NUFIP1: variants seen among roughly 807,000 people sequenced by gnomAD.
NUFIP1 encodes the protein nuclear FMR1 interacting protein 1.
NUFIP1 carries 38 observed loss-of-function variants against 56.2 expected under a neutral mutation model. The observed-to-expected ratio is 0.68, with a 90% confidence interval of 0.52 to 0.89. The LOEUF (loss-of-function observed/expected upper bound fraction) is 0.89, where lower values mean the gene tolerates loss of function less well. Ranked by LOEUF, NUFIP1 falls within the 40% of genes least tolerant of loss-of-function variation. NUFIP1 has a pLI of 0.00. For synonymous variants in NUFIP1, 215 were observed against 212.4 expected, an observed-to-expected ratio of 1.01 and a Z score of -0.10; for missense variants, 567 against 605.8, an observed-to-expected ratio of 0.94 and a Z score of 0.67.
intron 8 of NUFIP1, among the ~76,000 whole-genome samples, chr13:44,947,400 G>C (rs1208280045): frequency 2.0e-5 from 3 of 151,780 alleles, no homozygotes; most frequent in African/African-American, 7.3e-5. Flanking sequence ...CACCACACCA[G>C]GCTAATTTTT....
intron 1 of NUFIP1, among the ~76,000 whole-genome samples, chr13:44,986,152 C>T (rs1872381986): frequency 6.6e-6 from 1 of 152,150 alleles, no homozygotes; most frequent in Admixed American, 6.5e-5. Context: ...CACAGTGATT[C>T]ATAGATAGTG....
chr13:44,959,122 C>T (rs1871335508), intron 7 of NUFIP1, among the ~76,000 whole-genome samples: 1 of 152,130 alleles, frequency 6.6e-6, no homozygotes, highest in South Asian at 2.1e-4. Flanking sequence ...CTAAGATTAC[C>T]TCATACTAAT....
At chr13:44,955,986 A>G (rs948258609) in intron 7 of NUFIP1, among the ~76,000 whole-genome samples, 2 of 151,710 alleles carry the variant, frequency 1.3e-5, no homozygotes, top group Non-Finnish European at 1.5e-5. Flanking sequence ...TACTAAAAAT[A>G]CAAAAAATTA....
rs1870716618 is a variant in NUFIP1 at position 44,941,096 on chromosome 13, A to G, written c.*110T>C. 3.2e-6 allele frequency: 2 copies of G among 622,362 alleles called. No homozygotes were observed. The highest frequency in any genetic ancestry group is 2.8e-5 in the Admixed American group (1 of 36,120). The allele number at this position is 622,362 out of a possible 1,614,324, so 38.6% of individuals were successfully genotyped here. A position where few individuals can be genotyped will look rare whatever the true frequency, so the allele number is the denominator to read the frequency against. The stretch of plus-strand genomic sequence containing the variant: ...CAACATACATCCTACGAGGCTTACA[A>G]TTTAATTACAAATCCAATTTTGACG... On this transcript the variant is annotated 3_prime_UTR_variant, in exon 10 of 10. Coordinates refer to ENST00000379161, the MANE Select transcript of NUFIP1 (RefSeq NM_012345.3).
At chr13:44,972,328 AAAAC>A (rs1286201782) in intron 5 of NUFIP1, among the ~76,000 whole-genome samples, 1 of 152,282 alleles carries the variant, frequency 6.6e-6, no homozygotes, top group Non-Finnish European at 1.5e-5. Context: ...TCGGCAATAA[AAAAC>A]AAACAACTGC....
At position 44,940,988 on chromosome 13, in the gene NUFIP1, T is replaced by C. The variant is rs1481145356; in HGVS notation, c.*218A>G. On this transcript the variant is annotated 3_prime_UTR_variant, in exon 10 of 10. Coordinates refer to ENST00000379161, the MANE Select transcript of NUFIP1 (RefSeq NM_012345.3). Reference sequence around the variant, plus strand: ...AAAAATTCTCCCAGCAAATACTAGATTCAATCCCAACAATACAGACACAGT... The same window carrying C: ...AAAAATTCTCCCAGCAAATACTAGACTCAATCCCAACAATACAGACACAGT... The C allele has an allele frequency of 2.7e-6, 1 of 376,638 alleles. No homozygotes were observed. Among genetic ancestry groups the C allele is most frequent in the Non-Finnish European group, 4.7e-6 (1 of 211,146 alleles). The allele number at this position is 376,638 out of a possible 1,614,324, so 23.3% of individuals were successfully genotyped here.
At chr13:44,982,264 A>C (rs1293379577) in intron 1 of NUFIP1, 110 bp from the exon 2 acceptor site, 3 of 440,812 alleles carry the variant, frequency 6.8e-6, no homozygotes, top group Non-Finnish European at 7.7e-6. Context: ...ACACTAGTAA[A>C]CTACCCTTCT....
At chr13:44,962,428 C>T (rs1346001899) in intron 6 of NUFIP1, among the ~76,000 whole-genome samples, 3 of 152,214 alleles carry the variant, frequency 2.0e-5, no homozygotes, top group African/African-American at 7.2e-5. Flanking sequence ...CAACACCACA[C>T]TATCTTCATT....
chr13:44,966,884 A>G (rs977558297), intron 5 of NUFIP1, among the ~76,000 whole-genome samples: 4 of 151,446 alleles, frequency 2.6e-5, no homozygotes, highest in African/African-American at 9.7e-5. Flanking sequence ...GAGGCAGGAG[A>G]ATCTCTTGAA....
chr13:44,986,542 A>G (rs530386389), intron 1 of NUFIP1, among the ~76,000 whole-genome samples: 2 of 152,040 alleles, frequency 1.3e-5, no homozygotes, highest in African/African-American at 2.4e-5. Flanking sequence ...ATACAAAAAA[A>G]TCAGCCGGGC....
intron 6 of NUFIP1, 76 bp downstream of exon 6, chr13:44,965,768 T>A (rs1593364504): frequency 3.4e-6 from 2 of 596,662 alleles, no homozygotes; most frequent in Non-Finnish European, 5.5e-6. Context: ...AGCAAAGATT[T>A]CATAATTGAG....
chr13:44,978,076 T>C (rs1415019077), intron 5 of NUFIP1, among the ~76,000 whole-genome samples: 3 of 152,146 alleles, frequency 2.0e-5, no homozygotes, highest in Non-Finnish European at 4.4e-5. Flanking sequence ...AACTGTCCCT[T>C]CACCCTTATC....
chr13:44,952,108 T>C (rs1355714089), intron 7 of NUFIP1, among the ~76,000 whole-genome samples: 2 of 152,188 alleles, frequency 1.3e-5, no homozygotes, highest in African/African-American at 4.8e-5. Flanking sequence ...CATTCTCTAT[T>C]ATTTTACTCA....
intron 6 of NUFIP1, among the ~76,000 whole-genome samples, chr13:44,962,114 C>T (rs749041474): frequency 1.3e-5 from 2 of 151,700 alleles, no homozygotes; most frequent in Non-Finnish European, 2.9e-5. Flanking sequence ...CAAAAGAAGG[C>T]AAGAAAGGAA....
chr13:44,951,673 C>T (rs889842042), intron 7 of NUFIP1, among the ~76,000 whole-genome samples: 1 of 152,122 alleles, frequency 6.6e-6, no homozygotes, highest in African/African-American at 2.4e-5. Flanking sequence ...GATTTGGTTC[C>T]AGACCACTGC....
Position 44,941,184 on chromosome 13 carries a change from T to C in NUFIP1, c.*22A>G, listed in dbSNP as rs766988094. On this transcript the variant is annotated 3_prime_UTR_variant, in exon 10 of 10. Coordinates refer to ENST00000379161, the MANE Select transcript of NUFIP1 (RefSeq NM_012345.3). Reference sequence around the variant, plus strand: ...GATACTGTTTCACATGCTTCAGTTATGTATGCTGAAACACCAGATGCCTAT... The same window carrying C: ...GATACTGTTTCACATGCTTCAGTTACGTATGCTGAAACACCAGATGCCTAT... 5.0e-6 allele frequency: 6 copies of C among 1,191,166 alleles called. No individual in the cohort carries two copies. The highest frequency in any genetic ancestry group is 3.7e-5 in the Admixed American group (2 of 53,966). The allele number at this position is 1,191,166 out of a possible 1,614,324, so 73.8% of individuals were successfully genotyped here. A position where few individuals can be genotyped will look rare whatever the true frequency, so the allele number is the denominator to read the frequency against.
chr13:44,965,423 A>T (rs1304100638), intron 6 of NUFIP1, among the ~76,000 whole-genome samples: 3 of 152,204 alleles, frequency 2.0e-5, no homozygotes, highest in Admixed American at 1.3e-4. Context: ...ATTACCAGGC[A>T]TGGGGCCAGG....
intron 6 of NUFIP1, among the ~76,000 whole-genome samples, chr13:44,963,681 T>C (rs892663902): frequency 3.9e-5 from 6 of 152,248 alleles, no homozygotes; most frequent in African/African-American, 1.4e-4. Flanking sequence ...ATAAACATGC[T>C]CCTGGAATAA....
chr13:44,968,769 T>A (rs374990852), intron 5 of NUFIP1, among the ~76,000 whole-genome samples: 13 of 152,348 alleles, frequency 8.5e-5, no homozygotes, highest in African/African-American at 2.9e-4. Flanking sequence ...ATATGTTACA[T>A]GATAAAATTT....
Sources: gnomAD v4.1 joint callset for allele counts (sites outside exome capture counted in the v4.1 genomes callset) on GRCh38, gnomAD v4.1.1 for gene constraint, MANE v1.5 for transcripts, NCBI Gene and HGNC (gene_info 2026-07-23, HGNC 2026-07-21) for gene names.